The following PTPRD variants were observed in gnomAD, a reference collection of about 807,000 sequenced individuals.
PTPRD encodes the protein receptor-type tyrosine-protein phosphatase delta.
Under a neutral mutation model 214.5 loss-of-function variants are expected in PTPRD, and 34 were observed. The ratio of observed to expected loss-of-function variants is 0.16; its 90% confidence interval spans 0.12 to 0.21. The LOEUF is 0.21. PTPRD is among the 10% of genes least tolerant of loss of function. The pLI is 1.00. For missense variants in PTPRD, 2,545 were observed against 2,398.7 expected, an observed-to-expected ratio of 1.06 and a Z score of -1.27; for synonymous variants, 1,128 against 845.7, an observed-to-expected ratio of 1.33 and a Z score of -5.79.
At chr9:9,915,540 A>T (rs2080483208) in intron 5 of PTPRD, among the ~76,000 whole-genome samples, 1 of 151,870 alleles carries the variant, frequency 6.6e-6, no homozygotes, top group East Asian at 1.9e-4. Context: ...AGATATCATT[A>T]AAAAAAGAAC....
chr9:9,353,504 A>G (rs115177369), intron 9 of PTPRD, among the ~76,000 whole-genome samples: 2,123 of 151,896 alleles, frequency 0.014, 38 homozygotes, highest in African/African-American at 0.048. Context: ...CCACTTCTAT[A>G]TATTGCAATC....
At chr9:8,998,873 AT>A (rs1567498591) in intron 11 of PTPRD, among the ~76,000 whole-genome samples, 1 of 152,064 alleles carries the variant, frequency 6.6e-6, no homozygotes, top group African/African-American at 2.4e-5. Context: ...ATCCTCACAG[AT>A]GACTTTGAGA....
intron 11 of PTPRD, among the ~76,000 whole-genome samples, chr9:8,739,628 G>A (rs1254148509): frequency 6.6e-6 from 1 of 152,122 alleles, no homozygotes; most frequent in Non-Finnish European, 1.5e-5. Flanking sequence ...AGTTCTCGTA[G>A]TCCTTGGCTT....
intron 14 of PTPRD, among the ~76,000 whole-genome samples, chr9:8,607,127 G>A (rs1455588621): frequency 3.3e-5 from 5 of 152,094 alleles, no homozygotes; most frequent in African/African-American, 4.8e-5. Context: ...AACATGGTGA[G>A]TATAGTTAAT....
At chr9:8,677,019 T>C (rs905660615) in intron 12 of PTPRD, among the ~76,000 whole-genome samples, 1 of 152,228 alleles carries the variant, frequency 6.6e-6, no homozygotes, top group African/African-American at 2.4e-5. Context: ...CATTTAGTTA[T>C]AAAAAGCCAT....
At chr9:10,092,392 GC>G (rs2098440956) in intron 3 of PTPRD, among the ~76,000 whole-genome samples, 2 of 151,236 alleles carry the variant, frequency 1.3e-5, no homozygotes, top group Non-Finnish European at 1.5e-5. Flanking sequence ...TTATACAGCT[GC>G]CCCCAAACAC....
intron 5 of PTPRD, among the ~76,000 whole-genome samples, chr9:9,898,777 G>C (rs1248157948): frequency 3.3e-5 from 5 of 152,028 alleles, no homozygotes; most frequent in African/African-American, 1.2e-4. Flanking sequence ...TTCTAACTTT[G>C]GTCCTCTGAC....
intron 2 of PTPRD, among the ~76,000 whole-genome samples, chr9:10,512,964 T>C (rs1161774736): frequency 3.3e-5 from 5 of 152,206 alleles, no homozygotes; most frequent in South Asian, 4.1e-4. Context: ...CTAGGATAGA[T>C]ATTATTTAAA....
At chr9:10,275,362 T>C (rs1457510512) in intron 3 of PTPRD, among the ~76,000 whole-genome samples, 1 of 152,140 alleles carries the variant, frequency 6.6e-6, no homozygotes, top group Non-Finnish European at 1.5e-5. Context: ...AACCTTTAGA[T>C]AGTTTAACTT....
In PTPRD at chr9:8,918,225, A is replaced by G. The variant is rs151073390; in HGVS notation, c.-104+100472T>C. 3.4e-3 allele frequency among the ~76,000 whole-genome samples: 514 copies of G among 152,304 alleles called. 1 individual carries two copies. Among genetic ancestry groups the G allele is most frequent in the South Asian group, 6.8e-3 (33 of 4,828 alleles). ...GCAATGTGTTAGTGCACACCTGCTG[A>G]CCGACCCAGTCTAACAAAACATACT... On this transcript the variant is annotated intron_variant, in intron 11 of 45. Transcript: ENST00000381196.
chr9:8,624,263 C>T (rs1322404795), intron 14 of PTPRD, among the ~76,000 whole-genome samples: 1 of 151,824 alleles, frequency 6.6e-6, no homozygotes, highest in Non-Finnish European at 1.5e-5. Flanking sequence ...TAGCATAGCA[C>T]CAATAAATGA....
Position 8,372,367 on chromosome 9 carries a change from A to G in PTPRD, c.4661+3569T>C, listed in dbSNP as rs147008197. ...TAATTTAAAATTACTGCATACTTCT[A>G]TATGCCATGCACTGTCTCAAGTGCT... On this transcript the variant is annotated intron_variant, in intron 39 of 45. Coordinates refer to ENST00000381196, the MANE Select transcript of PTPRD (RefSeq NM_002839.4). Among the ~76,000 whole-genome samples, 1,395 of 152,174 alleles carry G rather than the reference A, an allele frequency of 9.2e-3. 6 individuals are homozygous for G. Among genetic ancestry groups the G allele is most frequent in the East Asian group, 0.025 (130 of 5,172 alleles).
intron 2 of PTPRD, among the ~76,000 whole-genome samples, chr9:10,392,439 A>T (rs182251249): frequency 3.3e-5 from 5 of 152,032 alleles, no homozygotes; most frequent in Admixed American, 2.0e-4. Context: ...AATTTGAGGG[A>T]TAAAAACTCT....
At chr9:9,184,089 A>G (rs1017575439) in intron 9 of PTPRD, among the ~76,000 whole-genome samples, 1 of 152,024 alleles carries the variant, frequency 6.6e-6, no homozygotes, top group Admixed American at 6.6e-5. Flanking sequence ...TTAACATATT[A>G]AACTCTTATT....
intron 5 of PTPRD, among the ~76,000 whole-genome samples, chr9:9,879,872 T>C (rs1411826756): frequency 6.6e-6 from 1 of 152,182 alleles, no homozygotes; most frequent in Non-Finnish European, 1.5e-5. Flanking sequence ...ATAAGAATAA[T>C]CACTGCCAGT....
chr9:9,694,811 A>G (rs1022079753), intron 7 of PTPRD, among the ~76,000 whole-genome samples: 1 of 152,002 alleles, frequency 6.6e-6, no homozygotes, highest in Non-Finnish European at 1.5e-5. Context: ...GCACTCTTCT[A>G]TTGGCTTGTG....
intron 11 of PTPRD, among the ~76,000 whole-genome samples, chr9:8,916,488 A>G: frequency 6.6e-6 from 1 of 152,088 alleles, no homozygotes; most frequent in East Asian, 1.9e-4. Flanking sequence ...TAGAATATGG[A>G]ATAGGTGGAA....
chr9:9,758,764 T>A (rs1298922317), intron 6 of PTPRD, among the ~76,000 whole-genome samples: 1 of 78,470 alleles, frequency 1.3e-5, no homozygotes, highest in Non-Finnish European at 2.5e-5. Flanking sequence ...ATCCCACTAC[T>A]CCCACCCCCC....
At chr9:8,335,677 C>CAATT (rs1322335411) in intron 43 of PTPRD, among the ~76,000 whole-genome samples, 1 of 152,116 alleles carries the variant, frequency 6.6e-6, no homozygotes, top group Non-Finnish European at 1.5e-5. Context: ...AACGGGTATT[C>CAATT]AATTAGGAAA....
Sources: gnomAD v4.1 joint callset for allele counts (sites outside exome capture counted in the v4.1 genomes callset) on GRCh38, gnomAD v4.1.1 for gene constraint, MANE v1.5 for transcripts, NCBI Gene and HGNC (gene_info 2026-07-23, HGNC 2026-07-21) for gene names.